The following MAST4 variants were observed in gnomAD, a reference collection of about 807,000 sequenced individuals.
MAST4 encodes microtubule-associated serine/threonine-protein kinase 4.
Under a neutral mutation model 162.7 loss-of-function variants are expected in MAST4, and 89 were observed. That is an observed-to-expected ratio of 0.55 (90% CI 0.46 to 0.65). The LOEUF (loss-of-function observed/expected upper bound fraction) is 0.65, where lower values mean the gene tolerates loss of function less well. Ranked by LOEUF, MAST4 falls within the 30% of genes least tolerant of loss-of-function variation. The pLI is 0.00. For missense variants in MAST4, 3,153 were observed against 3,374.0 expected (o/e 0.93, Z 1.62); for synonymous variants, 1,479 against 1,361.1 (o/e 1.09, Z -1.91).
At chr5:66,914,808 A>G (rs189069100) in intron 4 of MAST4, among the ~76,000 whole-genome samples, 3 of 152,132 alleles carry the variant, frequency 2.0e-5, no homozygotes, top group Non-Finnish European at 4.4e-5. Context: ...GGTTGTCACA[A>G]CTATTTGGGG....
chr5:67,144,896 A>C, intron 22 of MAST4, 100 bp downstream of exon 22: 1 of 1,375,944 alleles, frequency 7.3e-7, no homozygotes, highest in Non-Finnish European at 9.9e-7. Flanking sequence ...TTGTTAAAAC[A>C]CAGATCTCCC....
intron 4 of MAST4, among the ~76,000 whole-genome samples, chr5:66,957,153 T>A (rs1368478841): frequency 6.6e-6 from 1 of 152,180 alleles, no homozygotes; most frequent in South Asian, 2.1e-4. Flanking sequence ...CTAATGTGTT[T>A]CCTGAGATGA....
chr5:66,811,973 C>T (rs554214986), intron 3 of MAST4, among the ~76,000 whole-genome samples: 32 of 152,238 alleles, frequency 2.1e-4, no homozygotes, highest in Non-Finnish European at 3.2e-4. Context: ...CAGGGGAGTA[C>T]GTGAGTGCCC....
At chr5:66,814,054 G>A (rs1031106043) in intron 3 of MAST4, among the ~76,000 whole-genome samples, 1 of 152,186 alleles carries the variant, frequency 6.6e-6, no homozygotes, top group African/African-American at 2.4e-5. Context: ...CGGGGGACCT[G>A]TGTGGGTTAA....
chr5:66,715,252 G>A (rs895626601), intron 1 of MAST4, among the ~76,000 whole-genome samples: 11 of 152,118 alleles, frequency 7.2e-5, no homozygotes, highest in Admixed American at 1.3e-4. Context: ...TGTATAGAGG[G>A]CATGAATCTA....
At chr5:67,012,282 G>C (rs1274820596) in intron 4 of MAST4, among the ~76,000 whole-genome samples, 1 of 152,188 alleles carries the variant, frequency 6.6e-6, no homozygotes, top group African/African-American at 2.4e-5. Flanking sequence ...GCCCATAGAA[G>C]AGGAAGCTTG....
chr5:67,133,526 C>G lies in MAST4; in HGVS notation c.2106C>G (p.Thr702=), dbSNP rs779418121. The change falls in exon 17 of 29, where the codon ACC becomes ACG. Residue 702 remains threonine (T), a synonymous_variant. Coordinates refer to ENST00000403625, the MANE Select transcript of MAST4 (RefSeq NM_001164664.2). ...RDLKPDNLLV[T]SMGHIKLTDF... is the part of the protein sequence containing the mutation. ...GTCTGCCTCATAGCTTGTTGGTTAC[C>G]TCCATGGGGCACATAAAGCTGACAG... The G allele has an allele frequency of 5.6e-6, 9 of 1,612,878 alleles. No individual in the cohort carries two copies. Among genetic ancestry groups the G allele is most frequent in the Non-Finnish European group, 7.6e-6 (9 of 1,179,174 alleles).
chr5:66,958,187 C>T (rs1029770648), intron 4 of MAST4, among the ~76,000 whole-genome samples: 1 of 151,978 alleles, frequency 6.6e-6, no homozygotes, highest in Non-Finnish European at 1.5e-5. Flanking sequence ...GAAAGAGATG[C>T]CTTGTAGTAC....
rs1554084489 is a variant in MAST4 at position 67,033,315 on chromosome 5, C to CTCTCTGTGTGTGTGTG, written c.675-21088_675-21087insCTCTGTGTGTGTGTGT. On this transcript the variant is annotated intron_variant, in intron 4 of 28. Coordinates refer to ENST00000403625, the MANE Select transcript of MAST4 (RefSeq NM_001164664.2). ...ATTACTTTTTTGGGTTTTCATTTCT[C>CTCTCTGTGTGTGTGTG]TGTGTGTGTGTGTGTGTGTGTGTGT... is the stretch of plus-strand genomic sequence containing the variant. Among the ~76,000 whole-genome samples, 657 of 125,970 alleles carry CTCTCTGTGTGTGTGTG rather than the reference C, an allele frequency of 5.2e-3. 8 individuals are homozygous for CTCTCTGTGTGTGTGTG. The highest frequency in any genetic ancestry group is 0.02 in the African/African-American group (633 of 32,264). The allele number at this position is 125,970 out of a possible 152,430, so 82.6% of individuals were successfully genotyped here.
At chr5:66,986,137 G>A (rs1035307640) in intron 4 of MAST4, among the ~76,000 whole-genome samples, 1 of 152,174 alleles carries the variant, frequency 6.6e-6, no homozygotes, top group Non-Finnish European at 1.5e-5. Flanking sequence ...CCAGGATGTA[G>A]AAGTTTGAAA....
intron 3 of MAST4, among the ~76,000 whole-genome samples, chr5:66,828,265 C>T (rs1021145375): frequency 9.9e-5 from 15 of 152,082 alleles, no homozygotes; most frequent in Admixed American, 3.3e-4. Context: ...CTGAGCCCTC[C>T]GTTTTCAGGT....
At chr5:66,671,021 A>G (rs1011171780) in intron 1 of MAST4, among the ~76,000 whole-genome samples, 1 of 152,076 alleles carries the variant, frequency 6.6e-6, no homozygotes, top group Non-Finnish European at 1.5e-5. Context: ...ATATTTTACC[A>G]TGCATTAGTT....
chr5:66,674,502 C>T (rs1465487567), intron 1 of MAST4, among the ~76,000 whole-genome samples: 4 of 152,154 alleles, frequency 2.6e-5, no homozygotes, highest in South Asian at 2.1e-4. Context: ...TGATTGGAAA[C>T]GGTGGGAACA....
intron 3 of MAST4, among the ~76,000 whole-genome samples, chr5:66,864,266 C>T (rs1044704017): frequency 3.3e-5 from 5 of 152,136 alleles, no homozygotes; most frequent in Non-Finnish European, 7.3e-5. Context: ...TTTGAACATT[C>T]CTGAATGAAG....
In MAST4 at chr5:67,114,460, A is replaced by G. The variant is rs1766641654; in HGVS notation, c.1591+241A>G. ...GGTCAGGCCTTGACATCCTAGAAGC[A>G]TGTCAGCCTGAGAATGCCAGAGTGT... On this transcript the variant is annotated intron_variant, in intron 12 of 28. Coordinates refer to ENST00000403625, the MANE Select transcript of MAST4 (RefSeq NM_001164664.2). 7 of 432,850 alleles carry G rather than the reference A, an allele frequency of 1.6e-5. 1 individual carries two copies. Among genetic ancestry groups the G allele is most frequent in the South Asian group, 5.9e-5 (2 of 33,962 alleles). 26.8% of individuals were successfully genotyped at this position (432,850 alleles called of 1,614,324 possible).
intron 10 of MAST4, among the ~76,000 whole-genome samples, chr5:67,108,282 A>G (rs1483789405): frequency 6.6e-6 from 1 of 152,172 alleles, no homozygotes; most frequent in African/African-American, 2.4e-5. Context: ...GAATTTATAA[A>G]CCAAAAATGA....
chr5:66,748,572 A>T (rs2591858), intron 1 of MAST4, among the ~76,000 whole-genome samples: 116,758 of 150,268 alleles, frequency 0.78, 46,354 homozygotes, highest in Non-Finnish European at 0.87. Context: ...CACTGCAACC[A>T]CTGCCTCTCG....
In MAST4 at chr5:67,164,711, C is replaced by T. The variant is rs772667110; in HGVS notation, c.5532C>T (p.Pro1844=). 1.2e-6 allele frequency: 2 copies of T among 1,613,982 alleles called. No individual in the cohort carries two copies. The highest frequency in any genetic ancestry group is 1.7e-6 in the Non-Finnish European group (2 of 1,179,890). The change falls in exon 29 of 29, where the codon CCC becomes CCT. Residue 1844 remains proline, a synonymous_variant. Coordinates refer to ENST00000403625, the MANE Select transcript of MAST4 (RefSeq NM_001164664.2). This position sits in a 1 kb window ranked among gnomAD's most constrained non-coding sequence, Gnocchi z 5.3. The part of the protein sequence containing the change: ...DVRASVPPVL[P]SSSGKKNDTT... ...GGGCCTCTGTGCCACCAGTTCTCCC[C>T]AGCAGCAGTGGGAAAAAGAACGATA...
intron 1 of MAST4, among the ~76,000 whole-genome samples, chr5:66,717,051 G>T (rs1435884839): frequency 6.6e-6 from 1 of 152,204 alleles, no homozygotes; most frequent in Non-Finnish European, 1.5e-5. Context: ...TATTAAGCGG[G>T]AGGGAAGCGA....
Sources: allele counts gnomAD v4.1 joint callset (sites outside exome capture counted in the v4.1 genomes callset), GRCh38; gene constraint gnomAD v4.1.1; non-coding constraint Gnocchi (gnomAD v3.1); transcripts MANE v1.5; gene names NCBI Gene and HGNC (gene_info 2026-07-23, HGNC 2026-07-21).